SEMA3C: variants seen among roughly 807,000 people sequenced by gnomAD.
SEMA3C encodes semaphorin 3C, also known as semaphorin-3C.
SEMA3C carries 47 observed loss-of-function variants against 89.4 expected under a neutral mutation model. That is an observed-to-expected ratio of 0.53 (90% CI 0.42 to 0.67). The LOEUF (loss-of-function observed/expected upper bound fraction) is 0.67. SEMA3C is among the 30% of genes least tolerant of loss of function. SEMA3C has a pLI of 0.00. For missense variants in SEMA3C, 839 were observed against 929.1 expected, an observed-to-expected ratio of 0.90 and a Z score of 1.26; for synonymous variants, 310 against 320.2, an observed-to-expected ratio of 0.97 and a Z score of 0.34.
At chr7:80,774,347 GA>G in intron 12 of SEMA3C, among the ~76,000 whole-genome samples, 1 of 152,230 alleles carries the variant, frequency 6.6e-6, no homozygotes, top group East Asian at 1.9e-4. Flanking sequence ...CAAGAGTCAA[GA>G]AGAACAAAGT....
chr7:80,752,481 A>G (rs73370844), intron 15 of SEMA3C, among the ~76,000 whole-genome samples: 17,867 of 151,860 alleles, frequency 0.12, 1,075 homozygotes, highest in South Asian at 0.22. Flanking sequence ...ATGGTGGTGC[A>G]TGGTAGCATG....
At chr7:80,912,561 A>G (rs1435393802) in intron 2 of SEMA3C, among the ~76,000 whole-genome samples, 1 of 152,198 alleles carries the variant, frequency 6.6e-6, no homozygotes, top group Non-Finnish European at 1.5e-5. Flanking sequence ...GGGGGAGAGT[A>G]GAAGGAACTT....
At chr7:80,800,890 A>G (rs1335854059) in intron 9 of SEMA3C, 64 bp from the exon 10 acceptor site, 4 of 1,043,910 alleles carry the variant, frequency 3.8e-6, no homozygotes, top group Non-Finnish European at 5.5e-6. Context: ...TGAAAAATTT[A>G]CCCTAAGAAA....
At chr7:80,829,626 A>T (rs1327514475) in intron 2 of SEMA3C, among the ~76,000 whole-genome samples, 2 of 152,126 alleles carry the variant, frequency 1.3e-5, no homozygotes, top group Non-Finnish European at 2.9e-5. Flanking sequence ...AAAATATATG[A>T]ATTTTCAGGT....
chr7:80,861,661 A>AT (rs1790774419), intron 2 of SEMA3C, among the ~76,000 whole-genome samples: 1 of 152,204 alleles, frequency 6.6e-6, no homozygotes, highest in African/African-American at 2.4e-5. Flanking sequence ...AAATTGCAAC[A>AT]TTTGTTATTT....
intron 2 of SEMA3C, among the ~76,000 whole-genome samples, chr7:80,888,975 T>C (rs1375633644): frequency 6.6e-6 from 1 of 152,148 alleles, no homozygotes; most frequent in Non-Finnish European, 1.5e-5. Flanking sequence ...GTGATTCTCC[T>C]GCCTCAGCCT....
Position 80,909,723 on chromosome 7 carries a change from G to A in SEMA3C, c.103+6956C>T, listed in dbSNP as rs73374901. Among the ~76,000 whole-genome samples the A allele has an allele frequency of 7.1e-3, 1,088 of 152,198 alleles. 17 individuals carry two copies. Among genetic ancestry groups the A allele is most frequent in the African/African-American group, 0.024 (1,000 of 41,524 alleles). On this transcript the variant is annotated intron_variant, in intron 2 of 17. Coordinates refer to ENST00000265361, the MANE Select transcript of SEMA3C (RefSeq NM_006379.5). ...TCCTGATGTACATAGCACATCAAAC[G>A]AGCTCTTGATTACAAGAGCAGTAAC...
At chr7:80,824,951 A>ATATGTCTCACCATATCT (rs1188984984) in intron 4 of SEMA3C, among the ~76,000 whole-genome samples, 1 of 152,104 alleles carries the variant, frequency 6.6e-6, no homozygotes, top group African/African-American at 2.4e-5. Context: ...GCACATTGTA[A>ATATGTCTCACCATATCT]AGACTTAAAT....
chr7:80,873,535 C>T (rs1791123179), intron 2 of SEMA3C, among the ~76,000 whole-genome samples: 2 of 152,058 alleles, frequency 1.3e-5, no homozygotes, highest in African/African-American at 2.4e-5. Flanking sequence ...CTATGTGGGG[C>T]AAGGAGAACT....
chr7:80,815,575 T>TAAAAAAAAAAAAAAAAAAAAAAA (rs1789585531), intron 5 of SEMA3C, among the ~76,000 whole-genome samples: 6 of 82,018 alleles, frequency 7.3e-5, no homozygotes, highest in African/African-American at 1.3e-4. Flanking sequence ...AAAAAAAAAG[T>TAAAAAAAAAAAAAAAAAAAAAAA]AAATGTAGAG....
At chr7:80,893,820 A>G (rs2116161731) in intron 2 of SEMA3C, among the ~76,000 whole-genome samples, 1 of 152,306 alleles carries the variant, frequency 6.6e-6, no homozygotes, top group South Asian at 2.1e-4. Context: ...CCTGGAAAAG[A>G]AAAACCAACC....
intron 2 of SEMA3C, among the ~76,000 whole-genome samples, chr7:80,842,882 G>C (rs1259556846): frequency 1.3e-5 from 2 of 152,074 alleles, no homozygotes; most frequent in African/African-American, 4.8e-5. Context: ...CATATAAACT[G>C]TATTCCCTAA....
At chr7:80,835,467 T>C (rs777326958) in intron 2 of SEMA3C, among the ~76,000 whole-genome samples, 47 of 152,160 alleles carry the variant, frequency 3.1e-4, no homozygotes, top group Non-Finnish European at 4.4e-4. Context: ...GACAGGATAA[T>C]TTCCTCTTTT....
chr7:80,846,022 T>C (rs905343766), intron 2 of SEMA3C, among the ~76,000 whole-genome samples: 2 of 152,190 alleles, frequency 1.3e-5, no homozygotes, highest in Admixed American at 6.5e-5. Flanking sequence ...AAATTTCATA[T>C]AGGTCATAGT....
intron 12 of SEMA3C, among the ~76,000 whole-genome samples, chr7:80,769,778 G>A (rs1024354512): frequency 1.4e-5 from 2 of 142,356 alleles, no homozygotes; most frequent in African/African-American, 5.2e-5. Context: ...AGAATCGCTC[G>A]AACCTGGGAG....
chr7:80,784,051 A>G (rs956367434), intron 12 of SEMA3C, among the ~76,000 whole-genome samples: 4 of 152,166 alleles, frequency 2.6e-5, no homozygotes, highest in African/African-American at 9.7e-5. Flanking sequence ...TATAATGCTA[A>G]AAATATAAAT....
intron 12 of SEMA3C, 102 bp downstream of exon 12, chr7:80,789,204 T>C (rs933575723): frequency 9.1e-6 from 8 of 878,532 alleles, no homozygotes; most frequent in Non-Finnish European, 1.4e-5. Context: ...GACGTAATTA[T>C]TGGAGTTTTT....
At chr7:80,797,401 C>A (rs1477942379) in intron 11 of SEMA3C, among the ~76,000 whole-genome samples, 7 of 152,042 alleles carry the variant, frequency 4.6e-5, no homozygotes, top group Non-Finnish European at 1.5e-5. Context: ...TCAATGTATT[C>A]CTAATACTAC....
intron 11 of SEMA3C, among the ~76,000 whole-genome samples, chr7:80,791,216 G>T (rs903823152): frequency 1.3e-5 from 2 of 152,044 alleles, no homozygotes; most frequent in African/African-American, 4.8e-5. Context: ...GGCACCTAAG[G>T]CCAAACTTAA....
Sources: allele counts gnomAD v4.1 joint callset (sites outside exome capture counted in the v4.1 genomes callset), GRCh38; gene constraint gnomAD v4.1.1; transcripts MANE v1.5; gene names NCBI Gene and HGNC (gene_info 2026-07-23, HGNC 2026-07-21).